FER: variants seen among roughly 807,000 people sequenced by gnomAD.
FER encodes tyrosine-protein kinase Fer.
A neutral mutation model predicts 111.0 loss-of-function variants in FER; 63 were observed. The ratio of observed to expected loss-of-function variants is 0.57; its 90% CI spans 0.46 to 0.70. The LOEUF is 0.70. Among genes scored for constraint, FER ranks in the 30% least tolerant of loss-of-function variants. FER has a pLI of 0.00. For missense variants in FER, 914 were observed against 954.0 expected, an observed-to-expected ratio of 0.96 and a Z score of 0.55; for synonymous variants, 327 against 313.9, an observed-to-expected ratio of 1.04 and a Z score of -0.44.
intron 3 of FER, among the ~76,000 whole-genome samples, chr5:108,822,522 T>C (rs1179221929): frequency 2.0e-5 from 3 of 152,074 alleles, no homozygotes; most frequent in Admixed American, 2.0e-4. Flanking sequence ...CCAGGGACTT[T>C]ATAGCAATCC....
chr5:108,993,664 T>TGAGGGTGAGGGA, intron 13 of FER, among the ~76,000 whole-genome samples: 1 of 109,858 alleles, frequency 9.1e-6, no homozygotes, highest in South Asian at 2.8e-4. Flanking sequence ...AGGGCGAGGG[T>TGAGGGTGAGGGA]GAGGGAGAGG....
chr5:108,877,245 A>T (rs1184529123), intron 8 of FER, among the ~76,000 whole-genome samples: 1 of 152,180 alleles, frequency 6.6e-6, no homozygotes, highest in Non-Finnish European at 1.5e-5. Context: ...TTGAACATAT[A>T]CAGTATTATA....
intron 10 of FER, among the ~76,000 whole-genome samples, chr5:108,912,371 T>A (rs1204684111): frequency 6.6e-6 from 1 of 152,112 alleles, no homozygotes; most frequent in East Asian, 1.9e-4. Context: ...CTTTTTTTGT[T>A]TTTTCTTGAG....
chr5:109,108,986 T>C (rs1033565140), intron 17 of FER, among the ~76,000 whole-genome samples: 1 of 152,172 alleles, frequency 6.6e-6, no homozygotes, highest in African/African-American at 2.4e-5. Flanking sequence ...AAGAAATCCT[T>C]TTCAGTCCCA....
intron 1 of FER, among the ~76,000 whole-genome samples, chr5:108,761,516 T>G (rs943938532): frequency 2.0e-5 from 3 of 152,110 alleles, no homozygotes; most frequent in Admixed American, 1.3e-4. Context: ...ATTAAGATAG[T>G]AATATCAAAG....
chr5:108,992,831 C>G (rs1298277182), intron 13 of FER, among the ~76,000 whole-genome samples: 2 of 146,830 alleles, frequency 1.4e-5, no homozygotes, highest in Non-Finnish European at 3.0e-5. Context: ...ACAGGGCGGC[C>G]GGGCAGAGAC....
chr5:108,855,309 A>G (rs1044953752), intron 5 of FER, among the ~76,000 whole-genome samples: 1 of 152,174 alleles, frequency 6.6e-6, no homozygotes, highest in Non-Finnish European at 1.5e-5. Context: ...CCCAACATTA[A>G]GAAGTCAGCG....
chr5:108,909,024 CTG>C (rs1751186438), intron 10 of FER, among the ~76,000 whole-genome samples: 1 of 152,178 alleles, frequency 6.6e-6, no homozygotes, highest in Non-Finnish European at 1.5e-5. Flanking sequence ...GAACCAGACC[CTG>C]TGTTAGAAAA....
chr5:109,109,237 T>A (rs183379134), intron 17 of FER, among the ~76,000 whole-genome samples: 1 of 152,304 alleles, frequency 6.6e-6, no homozygotes, highest in East Asian at 1.9e-4. Flanking sequence ...ATAACCTGTT[T>A]TATTTTTTGT....
chr5:109,018,586 G>T (rs146026585), intron 13 of FER, among the ~76,000 whole-genome samples: 2 of 151,752 alleles, frequency 1.3e-5, no homozygotes, highest in South Asian at 4.1e-4. Context: ...ATCAGTCTGA[G>T]CTTCCATTTC....
At chr5:108,826,031 G>C (rs1295746266) in intron 3 of FER, among the ~76,000 whole-genome samples, 1 of 152,134 alleles carries the variant, frequency 6.6e-6, no homozygotes, top group Non-Finnish European at 1.5e-5. Flanking sequence ...AAAGCTATCA[G>C]TTTTTTACCA....
At position 108,977,722 on chromosome 5, in the gene FER, T is replaced by G. The variant is rs374287866; in HGVS notation, c.1656+18375T>G. Among the ~76,000 whole-genome samples the G allele has an allele frequency of 7.9e-5, 12 of 152,208 alleles. No homozygotes were observed. In the East Asian group the frequency reaches 1.5e-3, roughly 19 times the overall value. On this transcript the variant is annotated intron_variant, in intron 13 of 19. Transcript: ENST00000281092. ...CCTTCACATTTAATAAGTCATGAAT[T>G]CCTGTAACTTAAACCTCATAATGGC...
chr5:108,821,088 G>T (rs1436772762), intron 3 of FER, among the ~76,000 whole-genome samples: 17 of 152,164 alleles, frequency 1.1e-4, no homozygotes, highest in African/African-American at 4.1e-4. Context: ...CTCCAGCCTG[G>T]GTGATAGAGT....
At position 108,970,239 on chromosome 5, in the gene FER, G is replaced by A. The variant is rs193071865; in HGVS notation, c.1656+10892G>A. 8.6e-3 allele frequency among the ~76,000 whole-genome samples: 1,280 copies of A among 149,312 alleles called. 175 individuals are homozygous for A. The highest frequency in any genetic ancestry group is 0.032 in the African/African-American group (1,247 of 38,970). The stretch of plus-strand genomic sequence containing the variant: ...ATTTTTATTTATTTATTTTTGAGAC[G>A]GAGTCTCACTCTGTTGCCCAGGCTG... On this transcript the variant is annotated intron_variant, in intron 13 of 19. Transcript: ENST00000281092.
chr5:108,925,819 T>C (rs952454777), intron 10 of FER, among the ~76,000 whole-genome samples: 4 of 152,114 alleles, frequency 2.6e-5, no homozygotes, highest in Non-Finnish European at 4.4e-5. Flanking sequence ...ATTACTTGTG[T>C]GCATAAGTTT....
intron 2 of FER, among the ~76,000 whole-genome samples, chr5:108,783,803 G>A (rs1258487839): frequency 6.6e-6 from 1 of 150,798 alleles, no homozygotes; most frequent in East Asian, 2.0e-4. Context: ...TCTATTGCTG[G>A]GGAAGGGATG....
chr5:108,773,386 C>A (rs1753137040), intron 2 of FER, among the ~76,000 whole-genome samples: 1 of 152,078 alleles, frequency 6.6e-6, no homozygotes, highest in African/African-American at 2.4e-5. Flanking sequence ...GTATTGTTCC[C>A]CTCCCTGTGT....
chr5:108,906,112 A>T (rs1242551291), intron 10 of FER, among the ~76,000 whole-genome samples: 1 of 152,206 alleles, frequency 6.6e-6, no homozygotes, highest in African/African-American at 2.4e-5. Flanking sequence ...AGTGTGTAAA[A>T]TGAGATTACT....
At chr5:108,829,526 C>T (rs747627323) in intron 3 of FER, among the ~76,000 whole-genome samples, 1 of 152,102 alleles carries the variant, frequency 6.6e-6, no homozygotes, top group African/African-American at 2.4e-5. Flanking sequence ...GTAGTCACAG[C>T]TCCTTGGAAA....
Sources: gnomAD v4.1 joint callset for allele counts (sites outside exome capture counted in the v4.1 genomes callset) on GRCh38, gnomAD v4.1.1 for gene constraint, MANE v1.5 for transcripts, NCBI Gene and HGNC (gene_info 2026-07-23, HGNC 2026-07-21) for gene names.